Variants in ATP10B observed in about 807,000 individuals in gnomAD.
ATP10B encodes the protein ATPase phospholipid transporting 10B (putative).
ATP10B carries 122 observed loss-of-function variants against 141.2 expected under a neutral mutation model. That is an observed-to-expected ratio of 0.86 (90% confidence interval 0.75 to 1.00). The LOEUF (loss-of-function observed/expected upper bound fraction) is 1.00, where lower values mean the gene tolerates loss of function less well. Among genes scored for constraint, ATP10B ranks in the 50% least tolerant of loss-of-function variants. The pLI, the probability that ATP10B is intolerant of heterozygous loss-of-function variation, is 0.00. For missense variants in ATP10B, 1,876 were observed against 1,825.3 expected (o/e 1.03, Z -0.51); for synonymous variants, 685 against 692.0 (o/e 0.99, Z 0.16).
At chr5:160,758,763 T>C (rs576639010) in intron 2 of ATP10B, among the ~76,000 whole-genome samples, 19 of 152,290 alleles carry the variant, frequency 1.2e-4, no homozygotes, top group Admixed American at 5.9e-4. Context: ...TTTTGGAACA[T>C]GGGAGTCAAG....
At chr5:160,885,615 A>G in the ATP10B span, among the ~76,000 whole-genome samples, 4 of 152,210 alleles carry the variant, frequency 2.6e-5, no homozygotes, top group Admixed American at 2.6e-4. Context: ...TGAATTAATG[A>G]GAGAGAAAAA....
chr5:160,632,394 A>G (rs1758998468), intron 12 of ATP10B, 27 bp from the exon 13 acceptor site: 3 of 1,603,800 alleles, frequency 1.9e-6, no homozygotes, highest in Admixed American at 3.3e-5. Context: ...CTGTTATTGC[A>G]CTAGTTGTAC....
At chr5:160,759,887 C>A (rs1191097741) in intron 2 of ATP10B, among the ~76,000 whole-genome samples, 2 of 152,208 alleles carry the variant, frequency 1.3e-5, no homozygotes, top group Non-Finnish European at 2.9e-5. Context: ...TTTATTTCCA[C>A]TCTGGCTGTG....
At chr5:160,600,682 C>T (rs977938638) in intron 21 of ATP10B, among the ~76,000 whole-genome samples, 1 of 152,192 alleles carries the variant, frequency 6.6e-6, no homozygotes, top group Admixed American at 6.5e-5. Context: ...TTCACTTCTG[C>T]CTAACTGGAA....
rs139253911 is a variant in ATP10B, at chr5:160,607,468, A to T, written c.2839-382T>A. Among the ~76,000 whole-genome samples the T allele has an allele frequency of 3.4e-3, 522 of 152,332 alleles. 2 individuals carry two copies. Among genetic ancestry groups the T allele is most frequent in the African/African-American group, 0.012 (495 of 41,578 alleles). On this transcript the variant is annotated intron_variant, in intron 18 of 25. Transcript: ENST00000327245. ...TTTAAGTTCCCCTTTGTTCCTCAGA[A>T]CATTCCTGCGTGGTAGATAGGGTGT...
chr5:160,854,487 G>T (rs181194340), upstream of ATP10B, among the ~76,000 whole-genome samples: 1 of 152,088 alleles, frequency 6.6e-6, no homozygotes, highest in African/African-American at 2.4e-5. Flanking sequence ...CCATGTCCCT[G>T]CAAAGGACAT....
At chr5:160,711,948 TC>T (rs1167889484) in intron 3 of ATP10B, among the ~76,000 whole-genome samples, 1 of 4,188 alleles carries the variant, frequency 2.4e-4, no homozygotes, top group Admixed American at 2.3e-3. Flanking sequence ...CAGCCTTGCA[TC>T]CCAGGGATGA....
At chr5:160,656,357 G>A (rs956236375) in intron 7 of ATP10B, among the ~76,000 whole-genome samples, 31 of 152,124 alleles carry the variant, frequency 2.0e-4, no homozygotes, top group Non-Finnish European at 3.2e-4. Context: ...GCTTTGACTT[G>A]AGTGGAATGA....
chr5:160,734,346 G>A (rs968931488), intron 2 of ATP10B, among the ~76,000 whole-genome samples: 5 of 151,932 alleles, frequency 3.3e-5, no homozygotes, highest in African/African-American at 4.8e-5. Flanking sequence ...CTTTTTGTGT[G>A]TGTTAAAAAA....
chr5:160,810,075 A>G (rs1255407492), intron 1 of ATP10B, among the ~76,000 whole-genome samples: 3 of 152,174 alleles, frequency 2.0e-5, no homozygotes, highest in Non-Finnish European at 2.9e-5. Flanking sequence ...CTTTCTTTAC[A>G]TGATGAATTT....
In ATP10B at chr5:160,716,149, A is replaced by T. The variant is rs544198265; in HGVS notation, c.-205+760T>A. Among the ~76,000 whole-genome samples the T allele has an allele frequency of 5.3e-5, 8 of 152,358 alleles. No homozygotes were observed. The South Asian group carries it at 1.7e-3, about 32-fold the overall frequency. On this transcript the variant is annotated intron_variant, in intron 3 of 25. Transcript: ENST00000327245. ...AATATTAATTACGTCATCATTCAGT[A>T]AATGTCAAAAATGGAAACAAATGTC...
At chr5:160,573,686 A>G (rs1755015702) in intron 24 of ATP10B, among the ~76,000 whole-genome samples, 1 of 152,184 alleles carries the variant, frequency 6.6e-6, no homozygotes, top group South Asian at 2.1e-4. Context: ...TGATGATCTG[A>G]GGTGGAACAG....
At chr5:160,837,832 G>A (rs181647541) in intron 1 of ATP10B, among the ~76,000 whole-genome samples, 7 of 151,946 alleles carry the variant, frequency 4.6e-5, no homozygotes, top group Admixed American at 3.3e-4. Context: ...CTGGAGATAC[G>A]CCTGTACTTG....
chr5:160,684,307 G>C (rs983339073), intron 6 of ATP10B, among the ~76,000 whole-genome samples: 2 of 152,190 alleles, frequency 1.3e-5, no homozygotes, highest in African/African-American at 2.4e-5. Flanking sequence ...ATTATCTCCT[G>C]CAACTCTCAC....
chr5:160,673,916 T>TTTTTGAGAGAGTGC, intron 6 of ATP10B, among the ~76,000 whole-genome samples: 1 of 152,214 alleles, frequency 6.6e-6, no homozygotes, highest in Admixed American at 6.5e-5. Context: ...TTCTTTTTTC[T>TTTTTGAGAGAGTGC]TTTTGAGAGA....
intron 2 of ATP10B, among the ~76,000 whole-genome samples, chr5:160,741,356 A>T (rs1355821160): frequency 6.6e-6 from 1 of 152,238 alleles, no homozygotes; most frequent in Non-Finnish European, 1.5e-5. Context: ...GAAGTCCAAA[A>T]GGAGGATGGG....
At position 160,649,260 on chromosome 5, in the gene ATP10B, T is replaced by C; in HGVS notation, c.676-4A>G. 6.2e-7 allele frequency: 1 copy of C among 1,610,362 alleles called. No homozygotes were observed. The highest frequency in any genetic ancestry group is 8.5e-7 in the Non-Finnish European group (1 of 1,176,710). ...GCTCTGGTTCGAACTGTACCTCCTG[T>C]GAGAGAGAGGACTCTGTGAGTTTAT... On this transcript the variant is annotated splice_polypyrimidine_tract_variant and splice_region_variant and intron_variant, in intron 7 of 25. Coordinates refer to ENST00000327245, the MANE Select transcript of ATP10B (RefSeq NM_025153.3).
rs1273594087 is a variant in ATP10B, at chr5:160,612,792, G to T, written c.2787C>A (p.Cys929Ter). 1.2e-6 allele frequency: 2 copies of T among 1,614,064 alleles called. No individual in the cohort carries two copies. The highest frequency in any genetic ancestry group is 1.7e-5 in the Admixed American group (1 of 60,020). ...CAGTGTCGGTCTGATTTAACAGTCTGCAGGAATGGGCAATGTTGACCGCTG... is the reference window on the plus strand; with the variant it reads ...CAGTGTCGGTCTGATTTAACAGTCTTCAGGAATGGGCAATGTTGACCGCTG... Reference protein sequence around the residue: ...QETAVNIAHSCRLLNQTDTVY... With the variant: ...QETAVNIAHS Residue 929 changes from cysteine to a stop codon, truncating the protein, a stop_gained, in exon 18 of 26, where the codon TGC becomes TGA. Coordinates refer to ENST00000327245, the MANE Select transcript of ATP10B (RefSeq NM_025153.3). LOFTEE classifies it high-confidence loss of function.
chr5:160,822,983 CATATACATATATATATACATAT>C lies in ATP10B; in HGVS notation c.-576+28936_-576+28957del, dbSNP rs1339027903. Among the ~76,000 whole-genome samples, 41 of 89,980 alleles carry C rather than the reference CATATACATATATATATACATAT, an allele frequency of 4.6e-4. 1 individual carries two copies. Among genetic ancestry groups the C allele is most frequent in the South Asian group, 1.4e-3 (4 of 2,796 alleles). The allele number at this position is 89,980 out of a possible 152,430, so 59.0% of individuals were successfully genotyped here. ...AAAGGGTGACTATAGTAAAAAATTA[CATATACATATATATATACATAT>C]ATATATATATATATATATATATATA... is the stretch of plus-strand genomic sequence containing the variant. On this transcript the variant is annotated intron_variant, in intron 1 of 25. Transcript: ENST00000327245.
Sources: gnomAD v4.1 joint callset for allele counts (sites outside exome capture counted in the v4.1 genomes callset) on GRCh38, gnomAD v4.1.1 for gene constraint, MANE v1.5 for transcripts, NCBI Gene and HGNC (gene_info 2026-07-23, HGNC 2026-07-21) for gene names.